The following NDUFS6 variants were observed in gnomAD, a reference collection of about 807,000 sequenced individuals.
NDUFS6 encodes NADH dehydrogenase [ubiquinone] iron-sulfur protein 6, mitochondrial.
Under a neutral mutation model 13.2 loss-of-function variants are expected in NDUFS6, and 14 were observed. The observed-to-expected ratio is 1.06, with a 90% CI of 0.70 to 1.66. The LOEUF is 1.66. Among genes scored for constraint, NDUFS6 ranks in the 40% most tolerant of loss-of-function variants. The pLI, the probability that NDUFS6 is intolerant of heterozygous loss-of-function variation, is 0.00. For missense variants in NDUFS6, 206 were observed against 170.8 expected, an observed-to-expected ratio of 1.21 and a Z score of -1.15; for synonymous variants, 95 against 72.3, an observed-to-expected ratio of 1.31 and a Z score of -1.60.
At chr5:1,808,348 T>C (rs1437767227) in intron 2 of NDUFS6, among the ~76,000 whole-genome samples, 1 of 152,234 alleles carries the variant, frequency 6.6e-6, no homozygotes, top group Non-Finnish European at 1.5e-5. Context: ...GCCATCTTTA[T>C]AGTGGAGTGA....
At chr5:1,810,970 G>A (rs902674540) in intron 2 of NDUFS6, among the ~76,000 whole-genome samples, 4 of 152,146 alleles carry the variant, frequency 2.6e-5, no homozygotes, top group African/African-American at 9.7e-5. Context: ...TGAGACAGCA[G>A]GACCAACCCT....
chr5:1,803,621 C>T (rs1184944446), intron 2 of NDUFS6, among the ~76,000 whole-genome samples: 1 of 152,198 alleles, frequency 6.6e-6, no homozygotes, highest in Non-Finnish European at 1.5e-5. Flanking sequence ...TGTCAGTTGT[C>T]GAGTAAGTGG....
chr5:1,815,499 TC>T (rs1275303843), intron 3 of NDUFS6, among the ~76,000 whole-genome samples: 1 of 152,230 alleles, frequency 6.6e-6, no homozygotes, highest in Non-Finnish European at 1.5e-5. Context: ...ACCCGGCATG[TC>T]CCCTCCTGGG....
At chr5:1,808,466 T>G (rs2111354329) in intron 2 of NDUFS6, among the ~76,000 whole-genome samples, 2 of 152,372 alleles carry the variant, frequency 1.3e-5, no homozygotes, top group Middle Eastern at 6.8e-3. Flanking sequence ...AAGTGAGGTT[T>G]ATTTATCCCA....
chr5:1,815,832 T>A lies in NDUFS6; in HGVS notation c.310-19T>A, dbSNP rs1314277781. On this transcript the variant is annotated intron_variant, in intron 3 of 3. Transcript: ENST00000274137. Reference sequence around the variant, plus strand: ...GTAGAATATGGAAATATGACATCATTCCTTTTGAATTTTTTCAGGACAAAG... The same window carrying A: ...GTAGAATATGGAAATATGACATCATACCTTTTGAATTTTTTCAGGACAAAG... 6.2e-7 allele frequency: 1 copy of A among 1,613,102 alleles called. No homozygotes were observed. Among genetic ancestry groups the A allele is most frequent in the Admixed American group, 1.7e-5 (1 of 60,032 alleles).
rs192286856 is a variant in NDUFS6 at position 1,814,409 on chromosome 5, C to G, written c.257C>G (p.Ala86Gly). ...AGCGAGGTGGAGACTCGGGTGATAG[C>G]GTGCGATGGCGGCGGGGGAGCTCTT... Reference protein sequence around the residue: ...PVSEVETRVIACDGGGGALGH... With the variant: ...PVSEVETRVIGCDGGGGALGH... The change falls in exon 3 of 4, where the codon GCG becomes GGG. Residue 86 changes from alanine (A) to glycine (G), a missense_variant. Physicochemically the swap from Ala to Gly is moderately conservative, Grantham distance 60 (BLOSUM62 0). Coordinates refer to ENST00000274137, the MANE Select transcript of NDUFS6 (RefSeq NM_004553.6). The surrounding 1 kb of genome is among the most constrained non-coding windows in gnomAD (Gnocchi z 4.9). The G allele has an allele frequency of 6.2e-7, 1 of 1,614,120 alleles. No homozygotes were observed. Among genetic ancestry groups the G allele is most frequent in the Admixed American group, 1.7e-5 (1 of 60,018 alleles).
chr5:1,806,649 A>G (rs938972713), intron 2 of NDUFS6, among the ~76,000 whole-genome samples: 1 of 152,234 alleles, frequency 6.6e-6, no homozygotes, highest in African/African-American at 2.4e-5. Context: ...AAGACCCTCC[A>G]AACAGAAAAC....
intron 2 of NDUFS6, among the ~76,000 whole-genome samples, chr5:1,809,053 T>C (rs1734170577): frequency 6.6e-6 from 1 of 152,270 alleles, no homozygotes. Flanking sequence ...TTATCTTTAA[T>C]AGATGTAATC....
intron 2 of NDUFS6, among the ~76,000 whole-genome samples, chr5:1,804,997 T>C (rs1364365907): frequency 5.3e-5 from 8 of 152,324 alleles, no homozygotes; most frequent in Admixed American, 4.6e-4. Context: ...TGGCAGCCCC[T>C]GATCGTACTG....
chr5:1,804,062 G>T (rs1289496938), intron 2 of NDUFS6, among the ~76,000 whole-genome samples: 1 of 152,204 alleles, frequency 6.6e-6, no homozygotes, highest in Non-Finnish European at 1.5e-5. Flanking sequence ...GGTGACGGAG[G>T]TTTCCTGGGC....
chr5:1,814,593 G>A lies in NDUFS6; in HGVS notation c.309+132G>A. On this transcript the variant is annotated intron_variant, in intron 3 of 3. Transcript: ENST00000274137. The surrounding 1 kb of genome is among the most constrained non-coding windows in gnomAD (Gnocchi z 4.9). Reference sequence around the variant, plus strand: ...AGGCGGCCCTTACGGGGTTCACACTGCTGGCACATTCACCCTACAGCGCCA... The same window carrying A: ...AGGCGGCCCTTACGGGGTTCACACTACTGGCACATTCACCCTACAGCGCCA... 7.3e-7 allele frequency: 1 copy of A among 1,363,334 alleles called. No homozygotes were observed. Among genetic ancestry groups the A allele is most frequent in the South Asian group, 1.2e-5 (1 of 81,520 alleles). The allele number at this position is 1,363,334 out of a possible 1,614,324, so 84.5% of individuals were successfully genotyped here.
chr5:1,801,463 G>T lies in NDUFS6; in HGVS notation c.46G>T (p.Glu16Ter), dbSNP rs773818474. 1.9e-6 allele frequency: 3 copies of T among 1,604,204 alleles called. No homozygotes were observed. In the East Asian group the frequency reaches 6.7e-5, roughly 36 times the overall value. Residue 16 changes from glutamate to a stop codon, truncating the protein, a stop_gained, in exon 1 of 4, where the codon GAG (glutamate) becomes TAG (stop). Coordinates refer to ENST00000274137, the MANE Select transcript of NDUFS6 (RefSeq NM_004553.6). LOFTEE classifies it high-confidence loss of function. Reference protein sequence around the residue: ...TFCRLLNRCGEAARSLPLGAR... With the variant: ...TFCRLLNRCG The stretch of plus-strand genomic sequence containing the variant: ...CTGCCGGCTGCTGAACCGGTGTGGC[G>T]AGGCGGCGCGGAGCCTGCCCCTGGG...
intron 2 of NDUFS6, among the ~76,000 whole-genome samples, chr5:1,809,499 T>C (rs1211332089): frequency 6.6e-6 from 1 of 152,218 alleles, no homozygotes; most frequent in Non-Finnish European, 1.5e-5. Flanking sequence ...TTCCTGCGGT[T>C]GCACTGAGCT....
At chr5:1,805,574 A>G (rs900627971) in intron 2 of NDUFS6, among the ~76,000 whole-genome samples, 3 of 152,234 alleles carry the variant, frequency 2.0e-5, no homozygotes, top group African/African-American at 7.2e-5. Context: ...GCCAGAAGTC[A>G]GGCCTCACAT....
At chr5:1,813,333 A>G (rs1734249275) in intron 2 of NDUFS6, among the ~76,000 whole-genome samples, 1 of 152,224 alleles carries the variant, frequency 6.6e-6, no homozygotes, top group Non-Finnish European at 1.5e-5. Context: ...TTAGTTTTCT[A>G]ACTTTGAAAA....
intron 3 of NDUFS6, among the ~76,000 whole-genome samples, chr5:1,815,054 G>A (rs1027152422): frequency 8.5e-5 from 13 of 152,138 alleles, no homozygotes; most frequent in African/African-American, 2.9e-4. Flanking sequence ...AGTCACATCG[G>A]GGGTTAGGAC....
chr5:1,811,176 C>T (rs775069964), intron 2 of NDUFS6, among the ~76,000 whole-genome samples: 1 of 152,144 alleles, frequency 6.6e-6, no homozygotes, highest in Non-Finnish European at 1.5e-5. Context: ...ATATGTTAAT[C>T]GACCATTTAT....
In NDUFS6 at chr5:1,810,369, A is replaced by G. The variant is rs545156715; in HGVS notation, c.187-3970A>G. Among the ~76,000 whole-genome samples, 84 of 152,174 alleles carry G rather than the reference A, an allele frequency of 5.5e-4. 1 individual carries two copies. The South Asian group carries it at 0.016, about 28-fold the overall frequency. ...GTGTAGAGTTGAGTTCCTTCCCTCT[A>G]CATGCACAGATGCCGGCGCTCTACT... On this transcript the variant is annotated intron_variant, in intron 2 of 3. Transcript: ENST00000274137.
intron 2 of NDUFS6, among the ~76,000 whole-genome samples, chr5:1,804,225 TG>T (rs1054002950): frequency 2.0e-5 from 3 of 152,258 alleles, no homozygotes; most frequent in Admixed American, 1.3e-4. Flanking sequence ...TCATGCAATC[TG>T]GCTTCCAGCC....
Sources: allele counts gnomAD v4.1 joint callset (sites outside exome capture counted in the v4.1 genomes callset), GRCh38; gene constraint gnomAD v4.1.1; non-coding constraint Gnocchi (gnomAD v3.1); transcripts MANE v1.5; gene names NCBI Gene and HGNC (gene_info 2026-07-23, HGNC 2026-07-21).